The following OR9G1 variants were observed in gnomAD, a reference collection of about 807,000 sequenced individuals.
OR9G1 encodes the protein olfactory receptor family 9 subfamily G member 1.
A neutral mutation model predicts 14.5 loss-of-function variants in OR9G1; 21 were observed. The observed-to-expected ratio is 1.45, with a 90% CI of 1.03 to 2.09. The LOEUF is 2.09. Among genes scored for constraint, OR9G1 ranks in the 30% most tolerant of loss-of-function variants. The probability of loss-of-function intolerance (pLI) is 0.00; values close to 1 mark genes in which losing one functional copy is unlikely to be tolerated. For synonymous variants in OR9G1, 179 were observed against 153.3 expected, an observed-to-expected ratio of 1.17 and a Z score of -1.24; for missense variants, 476 against 364.2, an observed-to-expected ratio of 1.31 and a Z score of -2.50.
rs1324208495 is a variant in OR9G1, at chr11:56,701,312, A to G, written c.*7A>G. ...GAAAAAACTTCTCCCATAAATCAAG[A>G]TTATCTCCACCAGAGGAGAAACAAA... On this transcript the variant is annotated 3_prime_UTR_variant, in exon 2 of 2. Transcript: ENST00000642097. The G allele has an allele frequency of 2.5e-6, 4 of 1,594,092 alleles. No individual in the cohort carries two copies. Among genetic ancestry groups the G allele is most frequent in the African/African-American group, 2.7e-5 (2 of 74,130 alleles).
Position 56,701,103 on chromosome 11 carries a change from C to T in OR9G1, c.716C>T (p.Thr239Ile), listed in dbSNP as rs1857621216. 1 of 1,614,302 alleles carries T rather than the reference C, an allele frequency of 6.2e-7. No individual in the cohort carries two copies. Among genetic ancestry groups the T allele is most frequent in the African/African-American group, 1.3e-5 (1 of 75,088 alleles). The change falls in exon 2 of 2, where the codon ACA becomes ATA. Residue 239 changes from threonine to isoleucine, a missense_variant. Thr to Ile is a moderately conservative substitution (Grantham distance 89). This residue lies in a region of OR9G1 where 352 missense variants were observed against 211.6 expected (regional missense o/e 1.66). Coordinates refer to ENST00000642097, the MANE Select transcript of OR9G1 (RefSeq NM_001005213.2). The part of the protein sequence containing the change: ...SSKGYLKAFS[T>I]CSSHLTSVTL... ...AAGGGCTACCTCAAAGCCTTCTCCA[C>T]ATGCTCCTCCCACCTGACCTCTGTC... is the stretch of plus-strand genomic sequence containing the variant.
In OR9G1 at chr11:56,700,901, A is replaced by C; in HGVS notation, c.514A>C (p.Ile172Leu). ...TTCCTTTAACTTCTGCCGTGAAAACATCATTGATGACTTTTTCTGTGATTT... is the reference window on the plus strand; with the variant it reads ...TTCCTTTAACTTCTGCCGTGAAAACCTCATTGATGACTTTTTCTGTGATTT... ...TFSFNFCREN[I>L]IDDFFCDLLP... Residue 172 changes from isoleucine to leucine, a missense_variant, in exon 2 of 2, where the codon ATC becomes CTC. This residue lies in a region of OR9G1 where 352 missense variants were observed against 211.6 expected (regional missense o/e 1.66). Transcript: ENST00000642097. 1 of 1,614,266 alleles carries C rather than the reference A, an allele frequency of 6.2e-7. No individual in the cohort carries two copies. Among genetic ancestry groups the C allele is most frequent in the Non-Finnish European group, 8.5e-7 (1 of 1,180,014 alleles).
intron 1 of OR9G1, among the ~76,000 whole-genome samples, chr11:56,700,054 A>C (rs1340371651): frequency 7.9e-5 from 12 of 152,302 alleles, no homozygotes; most frequent in Non-Finnish European, 2.9e-5. Context: ...TAAAAATAGA[A>C]ATGTACACAT....
At position 56,701,156 on chromosome 11, in the gene OR9G1, A is replaced by C. The variant is rs751012748; in HGVS notation, c.769A>C (p.Ile257Leu). The C allele has an allele frequency of 1.2e-6, 2 of 1,614,316 alleles. No individual in the cohort carries two copies. The highest frequency in any genetic ancestry group is 2.2e-5 in the South Asian group (2 of 91,092). ...VTLYYGSILY[I>L]YALPRSSYSF... ...TTTATACTATGGCTCCATTCTCTAC[A>C]TCTACGCTCTCCCCAGATCTAGCTA... Residue 257 changes from isoleucine to leucine, a missense_variant, in exon 2 of 2, where the codon ATC becomes CTC. Ile to Leu is a conservative substitution (Grantham distance 5). This residue lies in a region of OR9G1 where 352 missense variants were observed against 211.6 expected (regional missense o/e 1.66). Coordinates refer to ENST00000642097, the MANE Select transcript of OR9G1 (RefSeq NM_001005213.2).
rs1196324336 is a variant in OR9G1, at chr11:56,700,971, A to G, written c.584A>G (p.Lys195Arg). Residue 195 changes from lysine (K) to arginine (R), a missense_variant, in exon 2 of 2, where the codon AAA becomes AGA. Physicochemically the swap from Lys to Arg is conservative, Grantham distance 26. This residue lies in a region of OR9G1 where 352 missense variants were observed against 211.6 expected (regional missense o/e 1.66). Transcript: ENST00000642097. ...GCCTGTGGCGAGAAGGGCGGCTATA[A>G]AATTATGATGTACTTCCTGCTGGCC... is the stretch of plus-strand genomic sequence containing the variant. ...ELACGEKGGY[K>R]IMMYFLLASN... 1 of 1,614,252 alleles carries G rather than the reference A, an allele frequency of 6.2e-7. No homozygotes were observed. The highest frequency in any genetic ancestry group is 1.7e-5 in the Admixed American group (1 of 60,026).
In OR9G1 at chr11:56,701,028, T is replaced by G; in HGVS notation, c.641T>G (p.Leu214Arg). ...SNVICPAVLI[L>R]ASYLFIITSV... ...GTCATCTGCCCCGCAGTGCTCATCC[T>G]GGCCTCCTACCTCTTTATCATCACC... Residue 214 changes from leucine to arginine, a missense_variant, in exon 2 of 2, where the codon CTG (leucine) becomes CGG (arginine). Leu to Arg is a moderately radical substitution (Grantham distance 102). Transcript: ENST00000642097. The G allele has an allele frequency of 6.2e-7, 1 of 1,614,282 alleles. No individual in the cohort carries two copies. The highest frequency in any genetic ancestry group is 8.5e-7 in the Non-Finnish European group (1 of 1,180,024).
rs1405364876 is a variant in OR9G1, at chr11:56,702,068, GTC to G, written c.*765_*766del. The G allele has an allele frequency of 6.6e-6, 1 of 152,222 alleles. No individual in the cohort carries two copies. The highest frequency in any genetic ancestry group is 2.4e-5 in the African/African-American group (1 of 41,466). 9.4% of individuals were successfully genotyped at this position (152,222 alleles called of 1,614,324 possible). ...AAGTGAAACAATTTCAAAAATAAAA[GTC>G]TATGAGTACACATTGATCAACAGAT... is the stretch of plus-strand genomic sequence containing the variant. On this transcript the variant is annotated 3_prime_UTR_variant, in exon 2 of 2. Coordinates refer to ENST00000642097, the MANE Select transcript of OR9G1 (RefSeq NM_001005213.2).
Position 56,701,393 on chromosome 11 carries a change from CGTG to C in OR9G1, c.*89_*91del. ...AAACAGAGTTACCATTGTGCTTTAT[CGTG>C]ATCAGTCCCCTTCTTGACACGTGAG... On this transcript the variant is annotated 3_prime_UTR_variant, in exon 2 of 2. Coordinates refer to ENST00000642097, the MANE Select transcript of OR9G1 (RefSeq NM_001005213.2). 1.3e-6 allele frequency: 2 copies of C among 1,491,382 alleles called. No individual in the cohort carries two copies. Among genetic ancestry groups the C allele is most frequent in the Admixed American group, 2.3e-5 (1 of 43,144 alleles). The allele number at this position is 1,491,382 out of a possible 1,614,324, so 92.4% of individuals were successfully genotyped here.
In OR9G1 at chr11:56,703,412, C is replaced by T. The variant is rs1175587855; in HGVS notation, c.*2107C>T. ...TCGTGTCAGCCGTTCTAAAAAGGAA[C>T]GCTATATATGCCAACTCAGTCTTCT... On this transcript the variant is annotated 3_prime_UTR_variant, in exon 2 of 2. Coordinates refer to ENST00000642097, the MANE Select transcript of OR9G1 (RefSeq NM_001005213.2). 4.0e-5 allele frequency: 6 copies of T among 150,320 alleles called. No individual in the cohort carries two copies. The highest frequency in any genetic ancestry group is 6.7e-5 in the Admixed American group (1 of 15,032). 9.3% of individuals were successfully genotyped at this position (150,320 alleles called of 1,614,324 possible). A position where few individuals can be genotyped will look rare whatever the true frequency, so the allele number is the denominator to read the frequency against.
chr11:56,701,488 T>C lies in OR9G1; in HGVS notation c.*183T>C. The C allele has an allele frequency of 5.9e-5, 2 of 33,676 alleles. No individual in the cohort carries two copies. The highest frequency in any genetic ancestry group is 1.6e-3 in the Admixed American group (1 of 614). 2.1% of individuals were successfully genotyped at this position (33,676 alleles called of 1,614,324 possible). On this transcript the variant is annotated 3_prime_UTR_variant, in exon 2 of 2. Transcript: ENST00000642097. Reference sequence around the variant, plus strand: ...ACAAAAACATCTGAATATATAAGAATTTGAATTGAATTTCCTATCTCTCTT... The same window carrying C: ...ACAAAAACATCTGAATATATAAGAACTTGAATTGAATTTCCTATCTCTCTT...
chr11:56,700,990 G>T lies in OR9G1; in HGVS notation c.603G>T (p.Leu201=). 6.2e-7 allele frequency: 1 copy of T among 1,614,250 alleles called. No homozygotes were observed. The highest frequency in any genetic ancestry group is 8.5e-7 in the Non-Finnish European group (1 of 1,179,998). Residue 201 remains leucine (L), a synonymous_variant, in exon 2 of 2, where the codon CTG becomes CTT. Transcript: ENST00000642097. ...KGGYKIMMYF[L]LASNVICPAV... The stretch of plus-strand genomic sequence containing the variant: ...GCTATAAAATTATGATGTACTTCCT[G>T]CTGGCCTCCAATGTCATCTGCCCCG...
chr11:56,702,696 T>C lies in OR9G1; in HGVS notation c.*1391T>C, dbSNP rs796110285. ...TTGAATCATCCCACTTATGAGTGGGTTCTAAAAGTTAGAACTCCTACAAGT... is the reference window on the plus strand; with the variant it reads ...TTGAATCATCCCACTTATGAGTGGGCTCTAAAAGTTAGAACTCCTACAAGT... On this transcript the variant is annotated 3_prime_UTR_variant, in exon 2 of 2. Coordinates refer to ENST00000642097, the MANE Select transcript of OR9G1 (RefSeq NM_001005213.2). 3.3e-4 allele frequency: 1 copy of C among 3,072 alleles called. No individual in the cohort carries two copies. The allele number at this position is 3,072 out of a possible 1,614,324, so 0.2% of individuals were successfully genotyped here.
At chr11:56,700,017 G>C (rs1857582589) in intron 1 of OR9G1, among the ~76,000 whole-genome samples, 1 of 152,310 alleles carries the variant, frequency 6.6e-6, no homozygotes, top group Non-Finnish European at 1.5e-5. Context: ...GGGATGCCCA[G>C]TATTTTAAAG....
At position 56,703,640 on chromosome 11, in the gene OR9G1, T is replaced by G. The variant is rs573660845; in HGVS notation, c.*2335T>G. 4 of 152,438 alleles carry G rather than the reference T, an allele frequency of 2.6e-5. No individual in the cohort carries two copies. Among genetic ancestry groups the G allele is most frequent in the African/African-American group, 9.6e-5 (4 of 41,610 alleles). 9.4% of individuals were successfully genotyped at this position (152,438 alleles called of 1,614,324 possible). The stretch of plus-strand genomic sequence containing the variant: ...TCAATTGCAGAAAGTAAAACTGATG[T>G]GACACATCTAATCTTAAAACACCGT... On this transcript the variant is annotated 3_prime_UTR_variant, in exon 2 of 2. Transcript: ENST00000642097.
rs755375460 is a variant in OR9G1, at chr11:56,701,293, A to C, written c.906A>C (p.Lys302Asn). 1 of 1,604,130 alleles carries C rather than the reference A, an allele frequency of 6.2e-7. No individual in the cohort carries two copies. The highest frequency in any genetic ancestry group is 1.1e-5 in the South Asian group (1 of 89,418). The part of the protein sequence containing the change: ...RNKDVKEALK[K>N]LLP ...AGGATGTGAAAGAGGCTCTGAAAAA[A>C]CTTCTCCCATAAATCAAGATTATCT... Residue 302 changes from lysine (K) to asparagine (N), a missense_variant, in exon 2 of 2, where the codon AAA (lysine) becomes AAC (asparagine). This residue lies in a region of OR9G1 where 352 missense variants were observed against 211.6 expected (regional missense o/e 1.66). Transcript: ENST00000642097.
chr11:56,703,520 T>C lies in OR9G1; in HGVS notation c.*2215T>C, dbSNP rs540572684. 6.6e-6 allele frequency: 1 copy of C among 151,722 alleles called. No individual in the cohort carries two copies. The highest frequency in any genetic ancestry group is 2.1e-4 in the South Asian group (1 of 4,802). 9.4% of individuals were successfully genotyped at this position (151,722 alleles called of 1,614,324 possible). A position where few individuals can be genotyped will look rare whatever the true frequency, so the allele number is the denominator to read the frequency against. On this transcript the variant is annotated 3_prime_UTR_variant, in exon 2 of 2. Transcript: ENST00000642097. ...ACATTCTTCATTTTTTAAAGTAATG[T>C]TAACAGACTCAATTAGTATATTGCA...
Position 56,700,943 on chromosome 11 carries a change from C to G in OR9G1, c.556C>G (p.Leu186Val). The change falls in exon 2 of 2, where the codon CTG (leucine) becomes GTG (valine). Residue 186 changes from leucine to valine, a missense_variant. Transcript: ENST00000642097. ...CTGTGATTTGCTTCCCTTGGTGGAGCTGGCCTGTGGCGAGAAGGGCGGCTA... is the reference window on the plus strand; with the variant it reads ...CTGTGATTTGCTTCCCTTGGTGGAGGTGGCCTGTGGCGAGAAGGGCGGCTA... The part of the protein sequence containing the change: ...FFCDLLPLVE[L>V]ACGEKGGYKI... The G allele has an allele frequency of 6.2e-7, 1 of 1,614,258 alleles. No homozygotes were observed. The highest frequency in any genetic ancestry group is 1.3e-5 in the African/African-American group (1 of 75,090).
rs1450602601 is a variant in OR9G1 at position 56,701,220 on chromosome 11, C to T, written c.833C>T (p.Thr278Ile). The T allele has an allele frequency of 1.2e-6, 2 of 1,614,152 alleles. No homozygotes were observed. Among genetic ancestry groups the T allele is most frequent in the African/African-American group, 1.3e-5 (1 of 74,968 alleles). The part of the protein sequence containing the change: ...DMDKIVSTFY[T>I]VVFPMLNLMI... ...GACAAAATAGTTTCTACATTTTACA[C>T]TGTGGTATTCCCCATGTTGAATCTC... Residue 278 changes from threonine to isoleucine, a missense_variant, in exon 2 of 2, where the codon ACT becomes ATT. By Grantham distance (89) the Thr-to-Ile change is moderately conservative (BLOSUM62 -1). Around this residue, in one of 3 missense-constraint regions of OR9G1, gnomAD observed 352 missense variants for 211.6 expected, o/e 1.66. Transcript: ENST00000642097.
At chr11:56,699,501 A>C (rs1017046516) in intron 1 of OR9G1, among the ~76,000 whole-genome samples, 1 of 152,306 alleles carries the variant, frequency 6.6e-6, no homozygotes, top group African/African-American at 2.4e-5. Flanking sequence ...CAAATCATGT[A>C]CACTTGAATT....
Sources: allele counts gnomAD v4.1 joint callset (sites outside exome capture counted in the v4.1 genomes callset), GRCh38; gene constraint gnomAD v4.1.1; regional missense constraint gnomAD v4.1.1; transcripts MANE v1.5; gene names NCBI Gene and HGNC (gene_info 2026-07-23, HGNC 2026-07-21).